Variants in FARS2 observed in about 807,000 individuals in gnomAD.
FARS2 encodes the protein phenylalanyl-tRNA synthetase 2, mitochondrial.
FARS2 carries 40 observed loss-of-function variants against 46.4 expected under a neutral mutation model. The observed-to-expected ratio is 0.86, with a 90% CI of 0.67 to 1.12. The LOEUF (loss-of-function observed/expected upper bound fraction) is 1.12. Among genes scored for constraint, FARS2 ranks in the 50% most tolerant of loss-of-function variants. The pLI is 0.00. For synonymous variants in FARS2, 234 were observed against 214.9 expected (o/e 1.09, Z -0.78); for missense variants, 513 against 567.9 (o/e 0.90, Z 0.98).
At chr6:5,758,377 C>T (rs1373124159) in intron 6 of FARS2, among the ~76,000 whole-genome samples, 1 of 152,138 alleles carries the variant, frequency 6.6e-6, no homozygotes, top group Non-Finnish European at 1.5e-5. Flanking sequence ...TGAAGTCTCC[C>T]TTTTATAGTG....
chr6:5,646,895 C>A (rs1183658182), intron 6 of FARS2, among the ~76,000 whole-genome samples: 1 of 152,016 alleles, frequency 6.6e-6, no homozygotes, highest in South Asian at 2.1e-4. Context: ...GATATGGAAC[C>A]CATGGATATG....
intron 6 of FARS2, among the ~76,000 whole-genome samples, chr6:5,717,349 A>ATGTG (rs1340235389): frequency 6.6e-5 from 6 of 91,244 alleles, no homozygotes; most frequent in South Asian, 4.5e-4. Context: ...ATAGATATGT[A>ATGTG]TATGTGTGTG....
At chr6:5,736,468 C>G (rs1478239639) in intron 6 of FARS2, among the ~76,000 whole-genome samples, 1 of 137,692 alleles carries the variant, frequency 7.3e-6, no homozygotes, top group Admixed American at 6.8e-5. Flanking sequence ...TGAGAGAATT[C>G]TCCTCCTCCT....
intron 5 of FARS2, among the ~76,000 whole-genome samples, chr6:5,551,416 T>A (rs1239788417): frequency 6.6e-6 from 1 of 152,226 alleles, no homozygotes; most frequent in Non-Finnish European, 1.5e-5. Flanking sequence ...TGTCACAGTC[T>A]ATAACATCCA....
chr6:5,474,554 A>G (rs1238824999), intron 4 of FARS2, among the ~76,000 whole-genome samples: 1 of 152,140 alleles, frequency 6.6e-6, no homozygotes, highest in Non-Finnish European at 1.5e-5. Flanking sequence ...TAGGCTACAA[A>G]CATGTACAGC....
At chr6:5,342,275 A>G (rs1771709832) in intron 1 of FARS2, among the ~76,000 whole-genome samples, 1 of 152,246 alleles carries the variant, frequency 6.6e-6, no homozygotes, top group Non-Finnish European at 1.5e-5. Context: ...CATTACAGTC[A>G]AGCACAATAA....
chr6:5,265,541 T>C (rs1765494621), intron 1 of FARS2, among the ~76,000 whole-genome samples: 4 of 152,252 alleles, frequency 2.6e-5, no homozygotes, highest in Non-Finnish European at 5.9e-5. Context: ...AATCATGACT[T>C]TGAATCCTAT....
At chr6:5,272,583 A>G (rs922021723) in intron 1 of FARS2, 1 of 152,186 alleles carries the variant, frequency 6.6e-6, no homozygotes, top group Non-Finnish European at 1.5e-5. Flanking sequence ...TGATACTTTA[A>G]TACATTCATA....
At chr6:5,420,472 A>G (rs1164504426) in intron 3 of FARS2, among the ~76,000 whole-genome samples, 1 of 152,246 alleles carries the variant, frequency 6.6e-6, no homozygotes, top group Non-Finnish European at 1.5e-5. Context: ...CTTCCTAGAT[A>G]CAATGGGGGT....
At chr6:5,751,869 A>T (rs774426247) in intron 6 of FARS2, among the ~76,000 whole-genome samples, 2 of 152,162 alleles carry the variant, frequency 1.3e-5, no homozygotes, top group Non-Finnish European at 2.9e-5. Flanking sequence ...CCTATTAAAC[A>T]TTTCTTTTTA....
chr6:5,765,456 A>G lies in FARS2; in HGVS notation c.1218-5835A>G, dbSNP rs76584380. Reference sequence around the variant, plus strand: ...CTATGGCATCGCTCATCACCTGCCAATGGCAGGGAGCGTGGGCTGTCTTAT... The same window carrying G: ...CTATGGCATCGCTCATCACCTGCCAGTGGCAGGGAGCGTGGGCTGTCTTAT... On this transcript the variant is annotated intron_variant, in intron 6 of 6. Transcript: ENST00000274680. This position sits in a 1 kb window ranked among gnomAD's most constrained non-coding sequence, Gnocchi z 4.0. Among the ~76,000 whole-genome samples the G allele has an allele frequency of 0.068, 10,362 of 152,262 alleles. 687 individuals are homozygous for G. Among genetic ancestry groups the G allele is most frequent in the East Asian group, 0.24 (1,225 of 5,178 alleles).
At chr6:5,316,189 T>C (rs1424585136) in intron 1 of FARS2, among the ~76,000 whole-genome samples, 1 of 152,244 alleles carries the variant, frequency 6.6e-6, no homozygotes, top group Non-Finnish European at 1.5e-5. Context: ...TTAGGGTGAC[T>C]GGCACTGTAG....
rs149511269 is a variant in FARS2 at position 5,527,951 on chromosome 6, G to A, written c.905-17229G>A. ...TGAAAGACATAATGCTGTACTGGGG[G>A]CTAGTCAAAGGGAGATGTAGGAGGT... is the stretch of plus-strand genomic sequence containing the variant. On this transcript the variant is annotated intron_variant, in intron 4 of 6. Transcript: ENST00000274680. Among the ~76,000 whole-genome samples, 539 of 152,286 alleles carry A rather than the reference G, an allele frequency of 3.5e-3. 2 individuals are homozygous for A. Among genetic ancestry groups the A allele is most frequent in the African/African-American group, 0.012 (519 of 41,570 alleles).
At chr6:5,526,059 ATAT>A (rs1381556777) in intron 4 of FARS2, among the ~76,000 whole-genome samples, 2 of 152,248 alleles carry the variant, frequency 1.3e-5, no homozygotes, top group African/African-American at 4.8e-5. Flanking sequence ...TTCAATGATA[ATAT>A]TATCCAGTGT....
chr6:5,717,412 C>T (rs964210465), intron 6 of FARS2, among the ~76,000 whole-genome samples: 1 of 142,428 alleles, frequency 7.0e-6, no homozygotes, highest in Admixed American at 7.0e-5. Context: ...TCTCTCACAA[C>T]CCCCTCTCTA....
chr6:5,261,216 C>G (rs1344269002), upstream of FARS2: 1 of 153,524 alleles, frequency 6.5e-6, no homozygotes, highest in African/African-American at 2.4e-5. Context: ...GGGGGCAGCG[C>G]CCCTTCCTAC....
chr6:5,682,676 G>A (rs1779093613), intron 6 of FARS2, among the ~76,000 whole-genome samples: 1 of 152,192 alleles, frequency 6.6e-6, no homozygotes, highest in South Asian at 2.1e-4. Flanking sequence ...TGTCAGCCAG[G>A]TCCTGTTCAG....
intron 5 of FARS2, among the ~76,000 whole-genome samples, chr6:5,554,259 G>T (rs1007222125): frequency 2.6e-5 from 4 of 152,282 alleles, no homozygotes; most frequent in Admixed American, 6.5e-5. Flanking sequence ...ATTTGCTTGT[G>T]CATGTTAATT....
At chr6:5,429,052 CA>C (rs1238875895) in intron 3 of FARS2, among the ~76,000 whole-genome samples, 1 of 152,040 alleles carries the variant, frequency 6.6e-6, no homozygotes, top group African/African-American at 2.4e-5. Context: ...CAGAACAAAT[CA>C]GTGGTTGCCT....
Sources: gnomAD v4.1 joint callset for allele counts (sites outside exome capture counted in the v4.1 genomes callset) on GRCh38, gnomAD v4.1.1 for gene constraint, Gnocchi (gnomAD v3.1) non-coding constraint, MANE v1.5 for transcripts, NCBI Gene and HGNC (gene_info 2026-07-23, HGNC 2026-07-21) for gene names.